The following BAZ2B variants were observed in gnomAD, a reference collection of about 807,000 sequenced individuals.
BAZ2B encodes bromodomain adjacent to zinc finger domain protein 2B.
BAZ2B carries 91 observed loss-of-function variants against 246.0 expected under a neutral mutation model. The observed-to-expected ratio is 0.37, with a 90% CI of 0.31 to 0.44. The LOEUF (loss-of-function observed/expected upper bound fraction) is 0.44. Among genes scored for constraint, BAZ2B ranks in the 20% least tolerant of loss-of-function variants. The pLI is 1.00. For synonymous variants in BAZ2B, 855 were observed against 860.0 expected, an observed-to-expected ratio of 0.99 and a Z score of 0.10; for missense variants, 2,332 against 2,533.7, an observed-to-expected ratio of 0.92 and a Z score of 1.71.
At chr2:159,470,119 A>G (rs2077592346) in intron 3 of BAZ2B, among the ~76,000 whole-genome samples, 1 of 152,252 alleles carries the variant, frequency 6.6e-6, no homozygotes, top group Admixed American at 6.5e-5. Flanking sequence ...AATCCTTGAA[A>G]TGCAAGATTG....
chr2:159,429,927 A>G (rs1256592290), intron 10 of BAZ2B, among the ~76,000 whole-genome samples: 4 of 152,164 alleles, frequency 2.6e-5, no homozygotes, highest in African/African-American at 9.7e-5. Flanking sequence ...ATACATCTAT[A>G]TTTTCTTAGA....
intron 3 of BAZ2B, among the ~76,000 whole-genome samples, chr2:159,455,766 T>TTTG (rs2075680188): frequency 7.8e-6 from 1 of 128,028 alleles, no homozygotes; most frequent in Non-Finnish European, 1.7e-5. Flanking sequence ...TATTGTGGTT[T>TTTG]TTTTTTTTTT....
At chr2:159,393,811 A>G (rs1297987983) in intron 20 of BAZ2B, among the ~76,000 whole-genome samples, 1 of 151,970 alleles carries the variant, frequency 6.6e-6, no homozygotes, top group Non-Finnish European at 1.5e-5. Flanking sequence ...CATCAGCTGT[A>G]TTTATCCTGT....
chr2:159,427,159 C>A (rs2070084483), intron 13 of BAZ2B, among the ~76,000 whole-genome samples: 1 of 152,034 alleles, frequency 6.6e-6, no homozygotes, highest in African/African-American at 2.4e-5. Flanking sequence ...GAGTATTTCA[C>A]GGATTAACAA....
chr2:159,476,187 T>C (rs1258991055), intron 3 of BAZ2B, among the ~76,000 whole-genome samples: 2 of 152,144 alleles, frequency 1.3e-5, no homozygotes, highest in South Asian at 2.1e-4. Flanking sequence ...ATGGGAGTTT[T>C]ATCTGTAAGC....
intron 2 of BAZ2B, among the ~76,000 whole-genome samples, chr2:159,525,129 G>A (rs1336514853): frequency 2.0e-5 from 3 of 152,126 alleles, no homozygotes; most frequent in South Asian, 2.1e-4. Flanking sequence ...AAAGGTTTAC[G>A]AAAAAATGAC....
intron 2 of BAZ2B, among the ~76,000 whole-genome samples, chr2:159,505,437 GA>G (rs1273151362): frequency 1.3e-5 from 2 of 152,156 alleles, no homozygotes; most frequent in East Asian, 1.9e-4. Flanking sequence ...AACAGGTTGG[GA>G]AGCCCTCCAG....
intron 2 of BAZ2B, among the ~76,000 whole-genome samples, chr2:159,507,340 C>T (rs1483670978): frequency 6.6e-6 from 1 of 151,958 alleles, no homozygotes; most frequent in Non-Finnish European, 1.5e-5. Flanking sequence ...GAAAGTTAGG[C>T]TTCAAACAAC....
chr2:159,553,911 C>T (rs951902682), intron 2 of BAZ2B, among the ~76,000 whole-genome samples: 3 of 152,130 alleles, frequency 2.0e-5, no homozygotes, highest in African/African-American at 7.2e-5. Context: ...ATAAATCAGC[C>T]CTTTCCTGGC....
At chr2:159,485,105 G>A (rs2079671179) in intron 2 of BAZ2B, among the ~76,000 whole-genome samples, 1 of 152,144 alleles carries the variant, frequency 6.6e-6, no homozygotes, top group Non-Finnish European at 1.5e-5. Flanking sequence ...ACCACTAAGA[G>A]TAGAGTTTTA....
chr2:159,475,851 C>G (rs775298218), intron 3 of BAZ2B, among the ~76,000 whole-genome samples: 4 of 152,200 alleles, frequency 2.6e-5, no homozygotes, highest in Non-Finnish European at 5.9e-5. Context: ...ACCCTGTTTT[C>G]CTAGGTATCA....
At chr2:159,598,185 G>C (rs1691218828) in intron 1 of BAZ2B, among the ~76,000 whole-genome samples, 1 of 151,862 alleles carries the variant, frequency 6.6e-6, no homozygotes. Context: ...GTAGAGACAG[G>C]GTTTCACCAT....
intron 2 of BAZ2B, among the ~76,000 whole-genome samples, chr2:159,525,091 G>A (rs2084585190): frequency 6.6e-6 from 1 of 152,094 alleles, no homozygotes. Context: ...AGTACTCTGA[G>A]AGCAAAATTA....
intron 13 of BAZ2B, among the ~76,000 whole-genome samples, chr2:159,420,123 T>G (rs2068471204): frequency 6.6e-6 from 1 of 152,200 alleles, no homozygotes; most frequent in African/African-American, 2.4e-5. Flanking sequence ...AATCATTTTT[T>G]TGTATTCTTC....
chr2:159,388,626 C>T lies in BAZ2B; in HGVS notation c.3216+719G>A, dbSNP rs147593844. On this transcript the variant is annotated intron_variant, in intron 21 of 36. Transcript: ENST00000392783. ...TAAATGGGAAGAAATACTAACTCCACAAGATTGTATTGAGGATTAAATGAG... is the reference window on the plus strand; with the variant it reads ...TAAATGGGAAGAAATACTAACTCCATAAGATTGTATTGAGGATTAAATGAG... Among the ~76,000 whole-genome samples, 241 of 152,246 alleles carry T rather than the reference C, an allele frequency of 1.6e-3. 1 individual carries two copies. The highest frequency in any genetic ancestry group is 2.7e-3 in the Non-Finnish European group (181 of 68,006).
chr2:159,571,826 G>A (rs1015260933), intron 1 of BAZ2B, among the ~76,000 whole-genome samples: 2 of 152,170 alleles, frequency 1.3e-5, no homozygotes, highest in African/African-American at 4.8e-5. Context: ...GAGGATATCT[G>A]TCAAATCCAT....
chr2:159,673,867 A>G, the BAZ2B span, among the ~76,000 whole-genome samples: 1 of 152,200 alleles, frequency 6.6e-6, no homozygotes. Context: ...AAAGTAGAAC[A>G]AACAAATCCT....
chr2:159,504,603 G>A (rs1020699368), intron 2 of BAZ2B, among the ~76,000 whole-genome samples: 1 of 152,148 alleles, frequency 6.6e-6, no homozygotes, highest in Non-Finnish European at 1.5e-5. Flanking sequence ...ACTAAAGGCA[G>A]GGAGTTAGGC....
intron 1 of BAZ2B, among the ~76,000 whole-genome samples, chr2:159,559,885 G>A (rs1048433900): frequency 6.6e-6 from 1 of 152,064 alleles, no homozygotes; most frequent in African/African-American, 2.4e-5. Context: ...TTGGTTATAT[G>A]CTATTTCTCT....
Sources: allele counts gnomAD v4.1 joint callset (sites outside exome capture counted in the v4.1 genomes callset), GRCh38; gene constraint gnomAD v4.1.1; transcripts MANE v1.5; gene names NCBI Gene and HGNC (gene_info 2026-07-23, HGNC 2026-07-21).